The following CDH23 variants were observed in gnomAD, a reference collection of about 807,000 sequenced individuals.
CDH23 encodes the protein cadherin related 23, also known as cadherin-23.
In CDH23, 189 loss-of-function variants were observed where a neutral mutation model predicts 317.1. The ratio of observed to expected loss-of-function variants is 0.60; its 90% CI spans 0.53 to 0.67. The LOEUF (loss-of-function observed/expected upper bound fraction) is 0.67, where lower values mean the gene tolerates loss of function less well. CDH23 is among the 30% of genes least tolerant of loss of function. The probability of loss-of-function intolerance (pLI) is 0.00; values close to 1 mark genes in which losing one functional copy is unlikely to be tolerated. For missense variants in CDH23, 4,401 were observed against 4,592.4 expected, an observed-to-expected ratio of 0.96 and a Z score of 1.20; for synonymous variants, 1,839 against 1,876.8, an observed-to-expected ratio of 0.98 and a Z score of 0.52.
intron 1 of CDH23, among the ~76,000 whole-genome samples, chr10:71,406,969 A>C (rs1282829129): frequency 6.6e-6 from 1 of 152,252 alleles, no homozygotes; most frequent in Non-Finnish European, 1.5e-5. Flanking sequence ...TGAGCTTAGC[A>C]CTTCATCTAA....
chr10:71,719,095 A>G (rs1294315592), intron 28 of CDH23, among the ~76,000 whole-genome samples: 1 of 152,098 alleles, frequency 6.6e-6, no homozygotes, highest in Non-Finnish European at 1.5e-5. Context: ...TAAAAAATAA[A>G]AAAAAAATAA....
intron 48 of CDH23, among the ~76,000 whole-genome samples, chr10:71,795,225 G>A (rs752390081): frequency 6.6e-6 from 1 of 152,082 alleles, no homozygotes; most frequent in East Asian, 1.9e-4. Flanking sequence ...GGGAGTAGAC[G>A]CACACATAAA....
In CDH23 at chr10:71,439,562, G is replaced by A. The variant is rs372134767; in HGVS notation, c.-5-265G>A. ...CGCAGGACAGCCAGTCCCCCAGGAG[G>A]GCAAAGAGGACCCAATAGGCCCCAG... is the stretch of plus-strand genomic sequence containing the variant. On this transcript the variant is annotated intron_variant, in intron 1 of 69. Transcript: ENST00000224721. Among the ~76,000 whole-genome samples the A allele has an allele frequency of 1.6e-4, 24 of 152,294 alleles. No individual in the cohort carries two copies. In the South Asian group the frequency reaches 5.0e-3, roughly 32 times the overall value.
chr10:71,770,883 G>T (rs1027573102), intron 38 of CDH23, among the ~76,000 whole-genome samples: 5 of 152,130 alleles, frequency 3.3e-5, no homozygotes, highest in Admixed American at 1.3e-4. Context: ...CCCTGGCATT[G>T]GGTAGATGAC....
chr10:71,615,339 C>A (rs562889058), intron 9 of CDH23, among the ~76,000 whole-genome samples, 165 bp from the exon 10 acceptor site: 56 of 152,286 alleles, frequency 3.7e-4, no homozygotes, highest in African/African-American at 1.3e-3. Flanking sequence ...TCCATGGACT[C>A]CAGGGCTCTT....
intron 3 of CDH23, among the ~76,000 whole-genome samples, chr10:71,490,157 T>A (rs1852576214): frequency 6.6e-6 from 1 of 152,200 alleles, no homozygotes; most frequent in African/African-American, 2.4e-5. Flanking sequence ...TGACCCAGCC[T>A]CTCTGAGTTT....
chr10:71,753,038 G>GGGAA (rs1564775632), intron 38 of CDH23: 7 of 1,607,316 alleles, frequency 4.4e-6, no homozygotes, highest in Admixed American at 1.7e-5. Context: ...GGTCATGGAA[G>GGGAA]GGAAGGCTTC....
chr10:71,451,780 G>T (rs1850456731), intron 3 of CDH23, among the ~76,000 whole-genome samples: 1 of 152,198 alleles, frequency 6.6e-6, no homozygotes, highest in African/African-American at 2.4e-5. Context: ...CCATCACTGT[G>T]TCCCCAGGGC....
chr10:71,502,284 A>C (rs2132171911), intron 3 of CDH23, among the ~76,000 whole-genome samples: 1 of 152,336 alleles, frequency 6.6e-6, no homozygotes. Flanking sequence ...AGGTTGCAAA[A>C]GCCTTGCTTT....
chr10:71,645,525 C>A, intron 12 of CDH23: 1 of 533,792 alleles, frequency 1.9e-6, no homozygotes, highest in Non-Finnish European at 3.6e-6. Context: ...GCTGGGGTCA[C>A]TGGGACAGAG....
intron 3 of CDH23, among the ~76,000 whole-genome samples, chr10:71,503,553 C>A (rs1179039236): frequency 6.6e-6 from 1 of 152,138 alleles, no homozygotes; most frequent in Non-Finnish European, 1.5e-5. Flanking sequence ...ATGTCAATCC[C>A]TGTGTTAGGC....
intron 11 of CDH23, among the ~76,000 whole-genome samples, chr10:71,641,707 T>C (rs1378319656): frequency 2.0e-5 from 3 of 152,168 alleles, no homozygotes; most frequent in Non-Finnish European, 4.4e-5. Context: ...GCTAAGGATC[T>C]AAGGATCAAG....
At chr10:71,683,172 G>C (rs1014824796) in intron 18 of CDH23, among the ~76,000 whole-genome samples, 2 of 152,224 alleles carry the variant, frequency 1.3e-5, no homozygotes, top group East Asian at 3.8e-4. Flanking sequence ...GGGATGCAGA[G>C]AGTGGTATGA....
intron 17 of CDH23, among the ~76,000 whole-genome samples, chr10:71,680,829 C>CTTTTTTTTTTT (rs1312991062): frequency 1.4e-5 from 1 of 70,132 alleles, no homozygotes; most frequent in African/African-American, 6.0e-5. Context: ...TTTTCTTTTT[C>CTTTTTTTTTTT]TTTTTTTTTT....
At chr10:71,485,474 G>A (rs543270030) in intron 3 of CDH23, among the ~76,000 whole-genome samples, 3 of 152,364 alleles carry the variant, frequency 2.0e-5, no homozygotes, top group Admixed American at 6.5e-5. Context: ...AGGCTGCCAT[G>A]TCTGCGACAT....
intron 14 of CDH23, among the ~76,000 whole-genome samples, chr10:71,659,162 C>T (rs1056458457): frequency 1.3e-5 from 2 of 152,280 alleles, no homozygotes; most frequent in African/African-American, 4.8e-5. Flanking sequence ...AACACCAGAG[C>T]GAAGACAATG....
intron 3 of CDH23, among the ~76,000 whole-genome samples, chr10:71,473,249 G>T (rs1418173297): frequency 6.6e-6 from 1 of 152,210 alleles, no homozygotes. Flanking sequence ...TGGAGACTTT[G>T]TCCTGGACTT....
rs569846235 is a variant in CDH23 at position 71,582,678 on chromosome 10, C to T, written c.832+4686C>T. ...CCTGTGGGGGTTTAGTGAGCTGAGC[C>T]GAGTCAGCACTCAGAAGAGCACCTG... On this transcript the variant is annotated intron_variant, in intron 9 of 69. Coordinates refer to ENST00000224721, the MANE Select transcript of CDH23 (RefSeq NM_022124.6). Among the ~76,000 whole-genome samples the T allele has an allele frequency of 1.2e-4, 18 of 152,198 alleles. No individual in the cohort carries two copies. In the South Asian group the frequency reaches 2.1e-3, roughly 18 times the overall value.
intron 18 of CDH23, among the ~76,000 whole-genome samples, chr10:71,683,141 T>C (rs959441562): frequency 1.3e-5 from 2 of 152,202 alleles, no homozygotes; most frequent in Non-Finnish European, 2.9e-5. Context: ...CCACGCTGGT[T>C]CATTTGCCCA....
Sources: allele counts gnomAD v4.1 joint callset (sites outside exome capture counted in the v4.1 genomes callset), GRCh38; gene constraint gnomAD v4.1.1; transcripts MANE v1.5; gene names NCBI Gene and HGNC (gene_info 2026-07-23, HGNC 2026-07-21).